FLNB: variants seen among roughly 807,000 people sequenced by gnomAD.
FLNB encodes the protein filamin-B.
A neutral mutation model predicts 250.6 loss-of-function variants in FLNB; 111 were observed. The observed-to-expected ratio is 0.44, with a 90% confidence interval of 0.38 to 0.52. The LOEUF is 0.52. Ranked by LOEUF, FLNB falls within the 20% of genes least tolerant of loss-of-function variation. FLNB has a pLI of 0.00. For missense variants in FLNB, 2,869 were observed against 3,447.8 expected, an observed-to-expected ratio of 0.83 and a Z score of 4.20; for synonymous variants, 1,302 against 1,372.1, an observed-to-expected ratio of 0.95 and a Z score of 1.13.
intron 18 of FLNB, among the ~76,000 whole-genome samples, chr3:58,113,643 TG>T (rs1345837287): frequency 6.6e-6 from 1 of 152,238 alleles, no homozygotes; most frequent in East Asian, 1.9e-4. Flanking sequence ...CATCCAGGCT[TG>T]CTGCTGTTTG....
intron 28 of FLNB, among the ~76,000 whole-genome samples, chr3:58,136,659 TCA>T (rs1036089466): frequency 6.6e-5 from 10 of 151,962 alleles, no homozygotes; most frequent in African/African-American, 2.4e-4. Context: ...TATTTGAGCA[TCA>T]CAGTTTCTTT....
At chr3:58,075,117 T>C (rs937684104) in intron 1 of FLNB, among the ~76,000 whole-genome samples, 2 of 152,122 alleles carry the variant, frequency 1.3e-5, no homozygotes, top group Admixed American at 6.5e-5. Context: ...ATGCACCCCT[T>C]ATCAGCATGT....
rs1321580540 is a variant in FLNB, at chr3:58,077,205, A to T, written c.452A>T (p.Asn151Ile). ...PKQRLLGWIQ[N>I]KIPYLPITNF... ...CAGAGGCTGCTGGGGTGGATTCAGA[A>T]CAAGATCCCCTACTTGCCCATCACC... Residue 151 changes from asparagine to isoleucine, a missense_variant, in exon 2 of 46, where the codon AAC becomes ATC. Transcript: ENST00000295956. 6.2e-7 allele frequency: 1 copy of T among 1,614,164 alleles called. No individual in the cohort carries two copies. The highest frequency in any genetic ancestry group is 8.5e-7 in the Non-Finnish European group (1 of 1,180,030).
In FLNB at chr3:58,171,073, T is replaced by G. The variant is rs2097381794; in HGVS notation, c.*311T>G. The G allele has an allele frequency of 6.3e-6, 2 of 316,814 alleles. No homozygotes were observed. Among genetic ancestry groups the G allele is most frequent in the Non-Finnish European group, 1.2e-5 (2 of 169,966 alleles). The allele number at this position is 316,814 out of a possible 1,614,324, so 19.6% of individuals were successfully genotyped here. A position where few individuals can be genotyped will look rare whatever the true frequency, so the allele number is the denominator to read the frequency against. ...ACCAGGAACACAATGAGACTGACAT[T>G]TCAAAAAAACAAAACTGGCTAGCCT... On this transcript the variant is annotated 3_prime_UTR_variant, in exon 46 of 46. Coordinates refer to ENST00000295956, the MANE Select transcript of FLNB (RefSeq NM_001457.4). The surrounding 1 kb of genome is among the most constrained non-coding windows in gnomAD (Gnocchi z 5.5).
At chr3:58,018,286 G>A (rs936897471) in intron 1 of FLNB, among the ~76,000 whole-genome samples, 2 of 148,306 alleles carry the variant, frequency 1.3e-5, no homozygotes, top group African/African-American at 2.5e-5. Flanking sequence ...ATGAGACAGC[G>A]AACACATCCT....
intron 9 of FLNB, 92 bp downstream of exon 9, chr3:58,102,432 C>T: frequency 3.6e-6 from 5 of 1,378,090 alleles, no homozygotes; most frequent in Admixed American, 3.4e-5. Flanking sequence ...CAGTTGTCCT[C>T]AATAATCCCA....
intron 1 of FLNB, among the ~76,000 whole-genome samples, chr3:58,019,980 G>A (rs1326857381): frequency 6.6e-6 from 1 of 152,084 alleles, no homozygotes; most frequent in African/African-American, 2.4e-5. Context: ...AACCAGAGGT[G>A]AGGAAGGAGG....
rs1248980628 is a variant in FLNB at position 58,142,535 on chromosome 3, T to G, written c.5182-115T>G. 1 of 894,212 alleles carries G rather than the reference T, an allele frequency of 1.1e-6. No individual in the cohort carries two copies. The highest frequency in any genetic ancestry group is 1.8e-6 in the Non-Finnish European group (1 of 551,628). 55.4% of individuals were successfully genotyped at this position (894,212 alleles called of 1,614,324 possible). A position where few individuals can be genotyped will look rare whatever the true frequency, so the allele number is the denominator to read the frequency against. ...GCCCATACCACAATGGGCAGCCGCA[T>G]TCCCAAATCCCGGCCTCACTGGCTT... On this transcript the variant is annotated intron_variant, in intron 30 of 45. Transcript: ENST00000295956. The surrounding 1 kb of genome is among the most constrained non-coding windows in gnomAD (Gnocchi z 4.3).
chr3:58,105,411 GA>G (rs2097258014), intron 11 of FLNB, among the ~76,000 whole-genome samples, 195 bp downstream of exon 11: 1 of 152,196 alleles, frequency 6.6e-6, no homozygotes, highest in African/African-American at 2.4e-5. Flanking sequence ...ATTCATTCAG[GA>G]GACCTTGAGG....
At chr3:58,018,741 C>A (rs2097109466) in intron 1 of FLNB, among the ~76,000 whole-genome samples, 1 of 152,038 alleles carries the variant, frequency 6.6e-6, no homozygotes, top group South Asian at 2.1e-4. Context: ...TGGTCTCGAA[C>A]TCCCAACCTC....
At chr3:58,052,526 T>G (rs1180021006) in intron 1 of FLNB, among the ~76,000 whole-genome samples, 1 of 152,162 alleles carries the variant, frequency 6.6e-6, no homozygotes, top group Non-Finnish European at 1.5e-5. Context: ...ACAGGGCCTT[T>G]GGTCAGAAAA....
At chr3:58,159,432 T>C in intron 41 of FLNB, 122 bp from the exon 42 acceptor site, 1 of 976,042 alleles carries the variant, frequency 1.0e-6, no homozygotes, top group South Asian at 1.3e-5. Flanking sequence ...TTTGTTGTCA[T>C]ATGTTATATA....
intron 43 of FLNB, chr3:58,163,647 A>C: frequency 2.6e-6 from 1 of 379,114 alleles, no homozygotes; most frequent in Non-Finnish European, 4.9e-6. Context: ...GCACAGTGTC[A>C]TTAATTTTGA....
chr3:58,077,339 G>A (rs1242292271), intron 2 of FLNB, 45 bp downstream of exon 2: 3 of 1,604,780 alleles, frequency 1.9e-6, no homozygotes, highest in Non-Finnish European at 2.6e-6. Flanking sequence ...GGATGGGGGT[G>A]TGTGGGTCCC....
chr3:58,149,950 C>A lies in FLNB; in HGVS notation c.6192C>A (p.Thr2064=), dbSNP rs369862412. 4.3e-6 allele frequency: 7 copies of A among 1,614,216 alleles called. No individual in the cohort carries two copies. Among genetic ancestry groups the A allele is most frequent in the Admixed American group, 1.7e-5 (1 of 60,032 alleles). ...CCTGCAAAGTCTCCTACTTCCCTAC[C>A]GTGCCTGGGGTTTATATCGTCTCCA... is the stretch of plus-strand genomic sequence containing the variant. The part of the protein sequence containing the change: ...DGTCKVSYFP[T]VPGVYIVSTK... Residue 2064 remains threonine, a synonymous_variant, in exon 37 of 46, where the codon ACC becomes ACA. Coordinates refer to ENST00000295956, the MANE Select transcript of FLNB (RefSeq NM_001457.4).
rs776918962 is a variant in FLNB at position 58,123,681 on chromosome 3, G to C, written c.3715G>C (p.Glu1239Gln). Residue 1239 changes from glutamate (E) to glutamine (Q), a missense_variant, in exon 21 of 46, where the codon GAA becomes CAA. Transcript: ENST00000295956. ...GATCAAAGTCTTTGGACCAGGAATA[G>C]AAGGGAAAGGTGGGTTTCATTTAAA... ...SRIKVFGPGI[E>Q]GKDVFREATT... 8 of 1,172,208 alleles carry C rather than the reference G, an allele frequency of 6.8e-6. No individual in the cohort carries two copies. The highest frequency in any genetic ancestry group is 2.0e-5 in the Admixed American group (1 of 51,262). The allele number at this position is 1,172,208 out of a possible 1,614,324, so 72.6% of individuals were successfully genotyped here. A position where few individuals can be genotyped will look rare whatever the true frequency, so the allele number is the denominator to read the frequency against.
chr3:58,086,148 AC>A (rs2097216994), intron 4 of FLNB, among the ~76,000 whole-genome samples: 1 of 136,106 alleles, frequency 7.3e-6, no homozygotes, highest in Non-Finnish European at 1.5e-5. Flanking sequence ...GGTGTGCACC[AC>A]CATGTCCAGC....
intron 4 of FLNB, among the ~76,000 whole-genome samples, chr3:58,085,146 T>C (rs1394636572): frequency 1.3e-5 from 2 of 152,252 alleles, no homozygotes; most frequent in African/African-American, 2.4e-5. Flanking sequence ...AACATGGGTG[T>C]ACAAGTGCTG....
chr3:58,091,914 A>G (rs1436023930), intron 4 of FLNB, among the ~76,000 whole-genome samples: 1 of 152,196 alleles, frequency 6.6e-6, no homozygotes, highest in Non-Finnish European at 1.5e-5. Flanking sequence ...AACAATTTAA[A>G]ACTTTTTACA....
Sources: allele counts gnomAD v4.1 joint callset (sites outside exome capture counted in the v4.1 genomes callset), GRCh38; gene constraint gnomAD v4.1.1; non-coding constraint Gnocchi (gnomAD v3.1); transcripts MANE v1.5; gene names NCBI Gene and HGNC (gene_info 2026-07-23, HGNC 2026-07-21).